CSMD1: variants seen among roughly 807,000 people sequenced by gnomAD.
CSMD1 encodes the protein CUB and sushi domain-containing protein 1.
A neutral mutation model predicts 417.5 loss-of-function variants in CSMD1; 213 were observed. The observed-to-expected ratio is 0.51, with a 90% CI of 0.46 to 0.57. The LOEUF (loss-of-function observed/expected upper bound fraction) is 0.57, where lower values mean the gene tolerates loss of function less well. CSMD1 is among the 20% of genes least tolerant of loss of function. The pLI, the probability that CSMD1 is intolerant of heterozygous loss-of-function variation, is 0.00. For missense variants in CSMD1, 6,923 were observed against 4,529.7 expected (o/e 1.53, Z -15.17); for synonymous variants, 2,862 against 1,736.8 (o/e 1.65, Z -16.11).
At chr8:4,727,953 T>G (rs955293287) in intron 1 of CSMD1, among the ~76,000 whole-genome samples, 1 of 68,456 alleles carries the variant, frequency 1.5e-5, no homozygotes, top group African/African-American at 7.0e-5. Flanking sequence ...AATATATATA[T>G]GTATATATAT....
chr8:4,212,542 C>A (rs937419087), intron 3 of CSMD1, among the ~76,000 whole-genome samples: 10 of 151,776 alleles, frequency 6.6e-5, no homozygotes, highest in African/African-American at 1.5e-4. Context: ...AAATTTGTAG[C>A]CTTTTTTTTT....
intron 9 of CSMD1, among the ~76,000 whole-genome samples, chr8:3,585,378 G>A (rs1035570699): frequency 8.5e-5 from 13 of 152,064 alleles, no homozygotes; most frequent in Non-Finnish European, 1.5e-4. Flanking sequence ...TCAAACTAGG[G>A]CTTTTTCTCC....
intron 3 of CSMD1, among the ~76,000 whole-genome samples, chr8:4,360,222 C>A (rs563145550): frequency 1.3e-5 from 2 of 152,070 alleles, no homozygotes; most frequent in African/African-American, 4.8e-5. Flanking sequence ...GGGGGTAACC[C>A]TTCTCATCTA....
At chr8:4,865,947 T>A (rs761507263) in intron 1 of CSMD1, among the ~76,000 whole-genome samples, 7 of 151,920 alleles carry the variant, frequency 4.6e-5, no homozygotes, top group African/African-American at 1.5e-4. Context: ...AACTTGAAAA[T>A]TTTTTAAAAA....
intron 1 of CSMD1, among the ~76,000 whole-genome samples, chr8:4,823,462 C>T (rs1799633806): frequency 6.6e-6 from 1 of 151,934 alleles, no homozygotes; most frequent in Non-Finnish European, 1.5e-5. Flanking sequence ...AAATGGGGTA[C>T]TTAGGGCAAC....
chr8:4,682,433 T>C (rs1212952413), intron 1 of CSMD1, among the ~76,000 whole-genome samples: 4 of 152,132 alleles, frequency 2.6e-5, no homozygotes, highest in African/African-American at 7.2e-5. Context: ...TTTCGATGAT[T>C]TGCTATGAAT....
chr8:3,568,603 ATTTATC>A (rs970821394), intron 10 of CSMD1, among the ~76,000 whole-genome samples: 2 of 152,102 alleles, frequency 1.3e-5, no homozygotes, highest in Admixed American at 6.5e-5. Context: ...ATATCAATGT[ATTTATC>A]TTTATATGTA....
chr8:3,795,115 G>GATACATATCTATCATGTATAGCTATAT (rs1554439929), intron 5 of CSMD1, among the ~76,000 whole-genome samples: 2 of 83,142 alleles, frequency 2.4e-5, no homozygotes, highest in South Asian at 7.9e-4. Flanking sequence ...TACAGCTATA[G>GATACATATCTATCATGTATAGCTATAT]ATATCTATCA....
chr8:4,046,490 G>T (rs952343476), intron 3 of CSMD1, among the ~76,000 whole-genome samples: 3 of 152,138 alleles, frequency 2.0e-5, no homozygotes, highest in Non-Finnish European at 2.9e-5. Flanking sequence ...TTTCGGAAAG[G>T]ATAAAGCATG....
intron 5 of CSMD1, among the ~76,000 whole-genome samples, chr8:3,827,559 A>G (rs942156519): frequency 6.6e-6 from 1 of 152,224 alleles, no homozygotes; most frequent in African/African-American, 2.4e-5. Flanking sequence ...GTTTTCTGCT[A>G]GATCAAAGCC....
At chr8:4,415,755 G>T (rs891349723) in intron 3 of CSMD1, among the ~76,000 whole-genome samples, 2 of 152,182 alleles carry the variant, frequency 1.3e-5, no homozygotes, top group Non-Finnish European at 2.9e-5. Context: ...TTACACTTGT[G>T]CACGTATAAG....
In CSMD1 at chr8:3,835,200, C is replaced by T. The variant is rs569975314; in HGVS notation, c.819-81158G>A. 1.1e-4 allele frequency among the ~76,000 whole-genome samples: 17 copies of T among 150,094 alleles called. 1 individual carries two copies. The highest frequency in any genetic ancestry group is 9.9e-4 in the Admixed American group (15 of 15,150). On this transcript the variant is annotated intron_variant, in intron 5 of 69. Coordinates refer to ENST00000635120, the MANE Select transcript of CSMD1 (RefSeq NM_033225.6). ...CTAGAACTAGAAATACCATTTGACC[C>T]AGCCATCCCATTACTGGGTATATAC...
At chr8:4,576,748 T>A (rs531915495) in intron 2 of CSMD1, among the ~76,000 whole-genome samples, 2 of 152,222 alleles carry the variant, frequency 1.3e-5, no homozygotes, top group Non-Finnish European at 2.9e-5. Context: ...GAAATATATG[T>A]TAATATCAAT....
At position 4,896,200 on chromosome 8, in the gene CSMD1, G is replaced by A. The variant is rs572793751; in HGVS notation, c.85+98132C>T. ...CTTTCATATTCAGCATGGCTTTTGTGAAGTGTCTTGTCAGTCTGGTTCTTT... is the reference window on the plus strand; with the variant it reads ...CTTTCATATTCAGCATGGCTTTTGTAAAGTGTCTTGTCAGTCTGGTTCTTT... On this transcript the variant is annotated intron_variant, in intron 1 of 69. Transcript: ENST00000635120. Among the ~76,000 whole-genome samples the A allele has an allele frequency of 7.2e-5, 11 of 152,120 alleles. No homozygotes were observed. The South Asian group carries it at 1.0e-3, about 14-fold the overall frequency.
At chr8:3,669,522 T>C (rs1197363622) in intron 7 of CSMD1, among the ~76,000 whole-genome samples, 2 of 152,156 alleles carry the variant, frequency 1.3e-5, no homozygotes, top group Non-Finnish European at 2.9e-5. Flanking sequence ...CCCAAGTTAA[T>C]GAATCTTGAA....
At position 4,867,777 on chromosome 8, in the gene CSMD1, G is replaced by C. The variant is rs139532078; in HGVS notation, c.85+126555C>G. ...GGTTTTTAGTAGCTTAAAGATAAGA[G>C]TGTTTTGATCCCTCTAATAAATACA... On this transcript the variant is annotated intron_variant, in intron 1 of 69. Coordinates refer to ENST00000635120, the MANE Select transcript of CSMD1 (RefSeq NM_033225.6). Among the ~76,000 whole-genome samples, 25 of 152,192 alleles carry C rather than the reference G, an allele frequency of 1.6e-4. No individual in the cohort carries two copies. The East Asian group carries it at 4.4e-3, about 27-fold the overall frequency.
chr8:3,049,725 T>C (rs6420208), intron 50 of CSMD1, among the ~76,000 whole-genome samples: 114,241 of 151,978 alleles, frequency 0.75, 44,271 homozygotes, highest in Non-Finnish European at 0.84. Context: ...AGCCCACAGA[T>C]GGTGCAACAC....
intron 3 of CSMD1, among the ~76,000 whole-genome samples, chr8:4,113,810 C>T (rs1309307547): frequency 6.6e-6 from 1 of 152,196 alleles, no homozygotes; most frequent in African/African-American, 2.4e-5. Flanking sequence ...CCAGCTACAA[C>T]ATTCCCTTAA....
At chr8:4,583,508 A>G (rs1585285874) in intron 2 of CSMD1, among the ~76,000 whole-genome samples, 1 of 151,984 alleles carries the variant, frequency 6.6e-6, no homozygotes, top group Non-Finnish European at 1.5e-5. Context: ...GATTGTAAAT[A>G]CACCAATCGA....
Sources: gnomAD v4.1 joint callset for allele counts (sites outside exome capture counted in the v4.1 genomes callset) on GRCh38, gnomAD v4.1.1 for gene constraint, MANE v1.5 for transcripts, NCBI Gene and HGNC (gene_info 2026-07-23, HGNC 2026-07-21) for gene names.